The following DRC11 variants were observed in gnomAD, a reference collection of about 807,000 sequenced individuals.
DRC11 encodes the protein dynein regulatory complex subunit 11.
At chr2:236,458,043 A>G in the DRC11 span, among the ~76,000 whole-genome samples, 1 of 152,166 alleles carries the variant, frequency 6.6e-6, no homozygotes, top group African/African-American at 2.4e-5. Context: ...TATTATTATT[A>G]TTGTTGAATA....
the DRC11 span, among the ~76,000 whole-genome samples, chr2:236,463,378 A>T: frequency 0.012 from 1,826 of 152,262 alleles, 40 homozygotes; most frequent in African/African-American, 0.041. This position sits in a 1 kb window ranked among gnomAD's most constrained non-coding sequence, Gnocchi z 5.0. Flanking sequence ...CACAACATCA[A>T]ATTCCTCATT....
chr2:236,307,823 C>A, the DRC11 span, among the ~76,000 whole-genome samples: 2 of 152,242 alleles, frequency 1.3e-5, no homozygotes, highest in East Asian at 1.9e-4. The surrounding 1 kb of genome is among the most constrained non-coding windows in gnomAD (Gnocchi z 7.0). Context: ...AGCTTCCCTG[C>A]TGCTTTCTTC....
the DRC11 span, among the ~76,000 whole-genome samples, chr2:236,461,828 T>C: frequency 2.0e-5 from 3 of 152,176 alleles, no homozygotes; most frequent in East Asian, 5.8e-4. This position sits in a 1 kb window ranked among gnomAD's most constrained non-coding sequence, Gnocchi z 4.0. Context: ...GCATTCCTAA[T>C]CATTGTGCCA....
chr2:236,479,765 ACAC>A, the DRC11 span, among the ~76,000 whole-genome samples: 1 of 152,210 alleles, frequency 6.6e-6, no homozygotes, highest in Non-Finnish European at 1.5e-5. The surrounding 1 kb of genome is among the most constrained non-coding windows in gnomAD (Gnocchi z 4.1). Flanking sequence ...AGTGGATTAC[ACAC>A]CACAATTACA....
the DRC11 span, among the ~76,000 whole-genome samples, chr2:236,352,212 C>T: frequency 1.1e-4 from 17 of 151,954 alleles, no homozygotes; most frequent in Admixed American, 8.5e-4. This position sits in a 1 kb window ranked among gnomAD's most constrained non-coding sequence, Gnocchi z 7.0. Context: ...GGGCGGCCAG[C>T]GGTGGCCTGT....
chr2:236,309,165 G>A, the DRC11 span, among the ~76,000 whole-genome samples: 1 of 152,180 alleles, frequency 6.6e-6, no homozygotes, highest in East Asian at 1.9e-4. This position sits in a 1 kb window ranked among gnomAD's most constrained non-coding sequence, Gnocchi z 5.7. Context: ...CAGTGGCCGA[G>A]AACTCCCTCG....
At chr2:236,471,198 G>T in the DRC11 span, among the ~76,000 whole-genome samples, 2 of 152,086 alleles carry the variant, frequency 1.3e-5, no homozygotes, top group South Asian at 4.1e-4. The surrounding 1 kb of genome is among the most constrained non-coding windows in gnomAD (Gnocchi z 4.6). Context: ...GAAGTGGCTG[G>T]GGCTTTGGCC....
the DRC11 span, among the ~76,000 whole-genome samples, chr2:236,309,720 A>C: frequency 6.6e-6 from 1 of 152,334 alleles, no homozygotes; most frequent in African/African-American, 2.4e-5. The surrounding 1 kb of genome is among the most constrained non-coding windows in gnomAD (Gnocchi z 5.7). Flanking sequence ...GATGGAGAGC[A>C]GTGCTTGCAA....
the DRC11 span, among the ~76,000 whole-genome samples, chr2:236,355,224 C>A: frequency 4.9e-3 from 746 of 152,236 alleles, 9 homozygotes; most frequent in African/African-American, 0.017. Flanking sequence ...GGACTCTGGG[C>A]GCTAGTGAGG....
chr2:236,497,629 T>C, the DRC11 span: 4 of 623,136 alleles, frequency 6.4e-6, no homozygotes, highest in Non-Finnish European at 1.1e-5. The surrounding 1 kb of genome is among the most constrained non-coding windows in gnomAD (Gnocchi z 5.1). Flanking sequence ...CAAGGCTTGA[T>C]AGACAATTTA....
chr2:236,441,381 T>C, the DRC11 span, among the ~76,000 whole-genome samples: 1 of 139,414 alleles, frequency 7.2e-6, no homozygotes, highest in African/African-American at 2.8e-5. Flanking sequence ...TTTTTCCTCC[T>C]TTTTTTTTTT....
At chr2:236,338,154 G>A in the DRC11 span, 2 of 1,562,888 alleles carry the variant, frequency 1.3e-6, no homozygotes, top group African/African-American at 1.4e-5. Context: ...AGCACACAGT[G>A]GACAGCCCAG....
At chr2:236,360,261 T>C in the DRC11 span, among the ~76,000 whole-genome samples, 3 of 152,218 alleles carry the variant, frequency 2.0e-5, no homozygotes, top group Admixed American at 2.0e-4. The surrounding 1 kb of genome is among the most constrained non-coding windows in gnomAD (Gnocchi z 5.8). Context: ...ATCCTATCAT[T>C]GCACTGCAAC....
chr2:236,324,792 C>T, the DRC11 span: 8 of 1,589,712 alleles, frequency 5.0e-6, no homozygotes, highest in Non-Finnish European at 5.1e-6. The surrounding 1 kb of genome is among the most constrained non-coding windows in gnomAD (Gnocchi z 5.7). Context: ...TTCTGAAATA[C>T]AATAGAAGTT....
the DRC11 span, among the ~76,000 whole-genome samples, chr2:236,468,161 A>G: frequency 6.6e-6 from 1 of 152,184 alleles, no homozygotes; most frequent in African/African-American, 2.4e-5. Context: ...CAATGGCACA[A>G]TCTCAGCTGA....
the DRC11 span, among the ~76,000 whole-genome samples, chr2:236,470,740 G>A: frequency 8.1e-4 from 123 of 152,238 alleles, no homozygotes; most frequent in Non-Finnish European, 6.5e-4. This position sits in a 1 kb window ranked among gnomAD's most constrained non-coding sequence, Gnocchi z 5.1. Context: ...AGTACAGATA[G>A]CTAGAGCTGA....
the DRC11 span, among the ~76,000 whole-genome samples, chr2:236,466,748 TC>T: frequency 1.3e-5 from 2 of 152,132 alleles, no homozygotes; most frequent in African/African-American, 4.8e-5. Context: ...GCCCCCAAGA[TC>T]CATCACCTCC....
chr2:236,362,250 A>G, the DRC11 span, among the ~76,000 whole-genome samples: 2 of 152,158 alleles, frequency 1.3e-5, no homozygotes, highest in African/African-American at 4.8e-5. This position sits in a 1 kb window ranked among gnomAD's most constrained non-coding sequence, Gnocchi z 5.7. Flanking sequence ...CAATAACCCA[A>G]TGAAAGGTAC....
chr2:236,500,089 G>GATC, the DRC11 span, among the ~76,000 whole-genome samples: 1 of 136,848 alleles, frequency 7.3e-6, no homozygotes, highest in African/African-American at 3.7e-5. This position sits in a 1 kb window ranked among gnomAD's most constrained non-coding sequence, Gnocchi z 6.3. Flanking sequence ...TTCAGATGAT[G>GATC]ATGATGATGA....
Sources: gnomAD v4.1 joint callset for allele counts (sites outside exome capture counted in the v4.1 genomes callset) on GRCh38, gnomAD v4.1.1 for gene constraint, Gnocchi (gnomAD v3.1) non-coding constraint, MANE v1.5 for transcripts, NCBI Gene and HGNC (gene_info 2026-07-23, HGNC 2026-07-21) for gene names.